The following CREB5 variants were observed in gnomAD, a reference collection of about 807,000 sequenced individuals.
The protein encoded by CREB5 is cyclic AMP-responsive element-binding protein 5.
Under a neutral mutation model 57.1 loss-of-function variants are expected in CREB5, and 19 were observed. That is an observed-to-expected ratio of 0.33 (90% CI 0.23 to 0.49). CREB5 has a LOEUF of 0.49. CREB5 is among the 20% of genes least tolerant of loss of function. The pLI, the probability that CREB5 is intolerant of heterozygous loss-of-function variation, is 0.99. For synonymous variants in CREB5, 238 were observed against 238.3 expected (o/e 1.00, Z 0.01); for missense variants, 579 against 671.6 (o/e 0.86, Z 1.52).
At chr7:28,725,991 A>C (rs1404886252) in intron 7 of CREB5, among the ~76,000 whole-genome samples, 1 of 152,176 alleles carries the variant, frequency 6.6e-6, no homozygotes, top group African/African-American at 2.4e-5. Flanking sequence ...AATGCTTCCA[A>C]AGGTGGTGCA....
chr7:28,358,764 G>A (rs911075228), intron 1 of CREB5, among the ~76,000 whole-genome samples: 1 of 152,154 alleles, frequency 6.6e-6, no homozygotes, highest in Non-Finnish European at 1.5e-5. Flanking sequence ...TTGTGAGTCA[G>A]TCCTCCCTCT....
At chr7:28,682,694 GAA>G (rs761096519) in intron 5 of CREB5, among the ~76,000 whole-genome samples, 1 of 119,792 alleles carries the variant, frequency 8.3e-6, no homozygotes, top group Non-Finnish European at 1.9e-5. Context: ...GGGGGGGGGG[GAA>G]ACCCCAGCTC....
At chr7:28,601,433 A>C (rs576254128) in intron 5 of CREB5, among the ~76,000 whole-genome samples, 20 of 152,292 alleles carry the variant, frequency 1.3e-4, no homozygotes, top group African/African-American at 4.8e-4. Context: ...GCAGCCCCTC[A>C]GGTTTGAATC....
chr7:28,330,528 A>C (rs1785696208), intron 1 of CREB5, among the ~76,000 whole-genome samples: 1 of 151,228 alleles, frequency 6.6e-6, no homozygotes, highest in Admixed American at 6.6e-5. Flanking sequence ...GATTGAAAGT[A>C]ATAGAGTGAC....
chr7:28,560,841 T>TGCGTGTGC (rs1562797105), intron 4 of CREB5, among the ~76,000 whole-genome samples: 1 of 75,120 alleles, frequency 1.3e-5, no homozygotes, highest in South Asian at 4.7e-4. Flanking sequence ...CGCGTGTGTG[T>TGCGTGTGC]GTGCGCGTGT....
At chr7:28,656,042 T>C (rs932765052) in intron 5 of CREB5, among the ~76,000 whole-genome samples, 1 of 152,240 alleles carries the variant, frequency 6.6e-6, no homozygotes, top group Admixed American at 6.5e-5. Context: ...ACGTTGAGCA[T>C]ATTGAATATA....
At chr7:28,644,707 A>G (rs989931177) in intron 5 of CREB5, among the ~76,000 whole-genome samples, 3 of 152,150 alleles carry the variant, frequency 2.0e-5, no homozygotes, top group African/African-American at 7.2e-5. Flanking sequence ...AAAAACCAGA[A>G]AGGTTCTAGT....
intron 1 of CREB5, among the ~76,000 whole-genome samples, chr7:28,460,879 G>T (rs1019322511): frequency 8.6e-5 from 13 of 152,026 alleles, no homozygotes; most frequent in Admixed American, 5.2e-4. Flanking sequence ...TGGAAGGGCT[G>T]GAAGAAAGTG....
chr7:28,606,787 T>C (rs1345142005), intron 5 of CREB5, among the ~76,000 whole-genome samples: 8 of 152,204 alleles, frequency 5.3e-5, no homozygotes, highest in Non-Finnish European at 2.9e-5. Context: ...GTTAGGCTTC[T>C]GAGACAAATA....
At chr7:28,560,893 T>TGCGCGTGCGC (rs1187390811) in intron 4 of CREB5, among the ~76,000 whole-genome samples, 1 of 20,468 alleles carries the variant, frequency 4.9e-5, no homozygotes, top group Admixed American at 5.0e-4. Flanking sequence ...CGTGCGTGTG[T>TGCGCGTGCGC]GTGCGTGCGC....
At chr7:28,548,498 T>C (rs1034764775) in intron 4 of CREB5, among the ~76,000 whole-genome samples, 3 of 152,178 alleles carry the variant, frequency 2.0e-5, no homozygotes, top group Non-Finnish European at 4.4e-5. Flanking sequence ...ATAATTATAG[T>C]AAGATAATTA....
chr7:28,395,586 A>G (rs1787318817), intron 1 of CREB5, among the ~76,000 whole-genome samples: 1 of 152,134 alleles, frequency 6.6e-6, no homozygotes, highest in Non-Finnish European at 1.5e-5. Flanking sequence ...GACTTGCACT[A>G]TTCTCCACGT....
rs1468105690 is a variant in CREB5 at position 28,561,029 on chromosome 7, T to TGC, written c.292-9335_292-9334insCG. Among the ~76,000 whole-genome samples the TGC allele has an allele frequency of 8.9e-3, 580 of 65,148 alleles. 14 individuals carry two copies. The highest frequency in any genetic ancestry group is 0.017 in the Middle Eastern group (2 of 120). The allele number at this position is 65,148 out of a possible 152,430, so 42.7% of individuals were successfully genotyped here. On this transcript the variant is annotated intron_variant, in intron 4 of 10. Coordinates refer to ENST00000357727, the MANE Select transcript of CREB5 (RefSeq NM_182898.4). ...GCGTGTGTGTGTGCGTGTGTGCGTG[T>TGC]GTGTGTGTGTGTGTGAAGGTATTTT...
At chr7:28,323,418 T>C (rs113689800) in intron 1 of CREB5, among the ~76,000 whole-genome samples, 199 of 152,364 alleles carry the variant, frequency 1.3e-3, no homozygotes, top group African/African-American at 4.6e-3. Flanking sequence ...TCATTCTTCA[T>C]TGGAAAAATA....
chr7:28,745,301 C>T (rs1000449083), intron 7 of CREB5, among the ~76,000 whole-genome samples: 1 of 152,190 alleles, frequency 6.6e-6, no homozygotes, highest in African/African-American at 2.4e-5. Context: ...TAAGTCATTT[C>T]CTTGTTAATA....
At chr7:28,811,703 T>C (rs1809130904) in intron 9 of CREB5, among the ~76,000 whole-genome samples, 1 of 152,164 alleles carries the variant, frequency 6.6e-6, no homozygotes, top group South Asian at 2.1e-4. Flanking sequence ...CATATTTTAA[T>C]TTTGATGTGT....
chr7:28,662,590 C>T (rs1270734089), intron 5 of CREB5, among the ~76,000 whole-genome samples: 1 of 152,170 alleles, frequency 6.6e-6, no homozygotes, highest in Non-Finnish European at 1.5e-5. Context: ...TTGATTTAAG[C>T]ACTTACCTAC....
chr7:28,758,314 A>C (rs1296033424), intron 7 of CREB5, among the ~76,000 whole-genome samples: 1 of 152,212 alleles, frequency 6.6e-6, no homozygotes, highest in East Asian at 1.9e-4. Flanking sequence ...ATTCCTGCTC[A>C]GCGGCTTGGC....
chr7:28,310,401 C>G (rs148954405), intron 1 of CREB5, among the ~76,000 whole-genome samples: 157 of 152,268 alleles, frequency 1.0e-3, no homozygotes, highest in African/African-American at 3.6e-3. Flanking sequence ...GAGCTCTGGA[C>G]AGAAAGCCTG....
Sources: gnomAD v4.1 joint callset for allele counts (sites outside exome capture counted in the v4.1 genomes callset) on GRCh38, gnomAD v4.1.1 for gene constraint, MANE v1.5 for transcripts, NCBI Gene and HGNC (gene_info 2026-07-23, HGNC 2026-07-21) for gene names.